The following LLGL2 variants were observed in gnomAD, a reference collection of about 807,000 sequenced individuals.
LLGL2 encodes the protein LLGL2, scribble cell polarity complex component.
In LLGL2, 81 loss-of-function variants were observed where a neutral mutation model predicts 123.2. That is an observed-to-expected ratio of 0.66 (90% CI 0.55 to 0.79). The LOEUF (loss-of-function observed/expected upper bound fraction) is 0.79. Ranked by LOEUF, LLGL2 falls within the 30% of genes least tolerant of loss-of-function variation. The pLI, the probability that LLGL2 is intolerant of heterozygous loss-of-function variation, is 0.00. For missense variants in LLGL2, 1,273 were observed against 1,414.6 expected, an observed-to-expected ratio of 0.90 and a Z score of 1.61; for synonymous variants, 577 against 594.1, an observed-to-expected ratio of 0.97 and a Z score of 0.42.
At position 75,564,446 on chromosome 17, in the gene LLGL2, C is replaced by A. The variant is rs1487618086; in HGVS notation, c.975C>A (p.Ala325=). Residue 325 remains alanine, a synonymous_variant, in exon 10 of 26, where the codon GCC becomes GCA. Transcript: ENST00000392550. The surrounding 1 kb of genome is among the most constrained non-coding windows in gnomAD (Gnocchi z 4.9). ...TGATCCACGATGGCCAGCAGACGGC[C>A]TTCGACTTCACCTCCCGTGTCATCG... The part of the protein sequence containing the change: ...ISVIHDGQQT[A]FDFTSRVIGF... 1 of 1,613,564 alleles carries A rather than the reference C, an allele frequency of 6.2e-7. No homozygotes were observed. The highest frequency in any genetic ancestry group is 2.2e-5 in the East Asian group (1 of 44,882).
chr17:75,565,588 G>A (rs1015867594), intron 10 of LLGL2, among the ~76,000 whole-genome samples: 5 of 152,194 alleles, frequency 3.3e-5, no homozygotes, highest in African/African-American at 9.7e-5. Context: ...CACACTCCCC[G>A]GGCTAACTGA....
Position 75,570,901 on chromosome 17 carries a change from TGGGGA to T in LLGL2, c.2026-42_2026-38del, listed in dbSNP as rs760536508. 25 of 1,549,086 alleles carry T rather than the reference TGGGGA, an allele frequency of 1.6e-5. No individual in the cohort carries two copies. The South Asian group carries it at 2.9e-4, about 18-fold the overall frequency. ...TCAGCACTGAGCGAAGCACTGTTCC[TGGGGA>T]GGGGAGTCCAGAGCTGACCCTTAGG... On this transcript the variant is annotated intron_variant, in intron 16 of 25. Coordinates refer to ENST00000392550, the MANE Select transcript of LLGL2 (RefSeq NM_001031803.2).
chr17:75,558,540 A>G lies in LLGL2; in HGVS notation c.284A>G (p.Asn95Ser), dbSNP rs1417776439. The part of the protein sequence containing the change: ...QCQLVTLLDD[N>S]SLHLWSLKVK... ...CAGCTGGTCACCCTGCTGGATGACAACAGCCTGCACCTTTGGAGCCTGAAG... is the reference window on the plus strand; with the variant it reads ...CAGCTGGTCACCCTGCTGGATGACAGCAGCCTGCACCTTTGGAGCCTGAAG... The change falls in exon 5 of 26, where the codon AAC (asparagine) becomes AGC (serine). Residue 95 changes from asparagine (N) to serine (S), a missense_variant. Physicochemically the swap from Asn to Ser is conservative, Grantham distance 46 (BLOSUM62 1). Transcript: ENST00000392550. This position sits in a 1 kb window ranked among gnomAD's most constrained non-coding sequence, Gnocchi z 4.0. 4.4e-6 allele frequency: 7 copies of G among 1,608,310 alleles called. No individual in the cohort carries two copies. The highest frequency in any genetic ancestry group is 2.7e-5 in the African/African-American group (2 of 74,896).
chr17:75,558,057 G>C lies in LLGL2; in HGVS notation c.174-98G>C. On this transcript the variant is annotated intron_variant, in intron 3 of 25. Coordinates refer to ENST00000392550, the MANE Select transcript of LLGL2 (RefSeq NM_001031803.2). The surrounding 1 kb of genome is among the most constrained non-coding windows in gnomAD (Gnocchi z 4.0). Reference sequence around the variant, plus strand: ...CCTCGGGGGAGGGCAGCCCCTCTCTGTGTTTGCATCATTGCACATGGGCCC... The same window carrying C: ...CCTCGGGGGAGGGCAGCCCCTCTCTCTGTTTGCATCATTGCACATGGGCCC... 1 of 1,155,232 alleles carries C rather than the reference G, an allele frequency of 8.7e-7. No individual in the cohort carries two copies. Among genetic ancestry groups the C allele is most frequent in the Non-Finnish European group, 1.3e-6 (1 of 765,530 alleles). The allele number at this position is 1,155,232 out of a possible 1,614,324, so 71.6% of individuals were successfully genotyped here.
rs1207842784 is a variant in LLGL2, at chr17:75,563,002, C to T, written c.531-14C>T. On this transcript the variant is annotated splice_polypyrimidine_tract_variant and intron_variant, in intron 6 of 25. Transcript: ENST00000392550. Reference sequence around the variant, plus strand: ...TGGACGGCATCGGAGGCTCACGGCACTCCCCTCGCCCAGGTTGCCAGAGGA... The same window carrying T: ...TGGACGGCATCGGAGGCTCACGGCATTCCCCTCGCCCAGGTTGCCAGAGGA... The T allele has an allele frequency of 1.9e-6, 3 of 1,610,098 alleles. No individual in the cohort carries two copies. The highest frequency in any genetic ancestry group is 2.5e-6 in the Non-Finnish European group (3 of 1,179,946).
At chr17:75,525,552 C>T (rs572073106), upstream of LLGL2, among the ~76,000 whole-genome samples, 2 of 150,928 alleles carry the variant, frequency 1.3e-5, no homozygotes, top group Admixed American at 6.6e-5. This position sits in a 1 kb window ranked among gnomAD's most constrained non-coding sequence, Gnocchi z 4.8. Context: ...TTCCCGGGGC[C>T]GCGGATTGGC....
At chr17:75,535,001 C>T (rs1421098287) in intron 1 of LLGL2, among the ~76,000 whole-genome samples, 3 of 152,220 alleles carry the variant, frequency 2.0e-5, no homozygotes, top group African/African-American at 7.2e-5. Context: ...GATCCCACTC[C>T]ATGGAACTGC....
chr17:75,537,347 T>C (rs1253115808), intron 1 of LLGL2, among the ~76,000 whole-genome samples: 1 of 151,908 alleles, frequency 6.6e-6, no homozygotes, highest in Non-Finnish European at 1.5e-5. Flanking sequence ...TCTGAACCCA[T>C]CTTGACCATT....
At chr17:75,574,578 A>G in intron 24 of LLGL2, 32 bp from the exon 25 acceptor site, 1 of 1,609,598 alleles carries the variant, frequency 6.2e-7, no homozygotes, top group African/African-American at 1.3e-5. Context: ...GAGGTCCCTG[A>G]GGCCATGACT....
chr17:75,564,406 G>T lies in LLGL2; in HGVS notation c.935G>T (p.Arg312Leu). 1 of 1,613,182 alleles carries T rather than the reference G, an allele frequency of 6.2e-7. No individual in the cohort carries two copies. Among genetic ancestry groups the T allele is most frequent in the South Asian group, 1.1e-5 (1 of 91,082 alleles). Residue 312 changes from arginine (R) to leucine (L), a missense_variant, in exon 10 of 26, where the codon CGC becomes CTC. By Grantham distance (102) the Arg-to-Leu change is moderately radical (BLOSUM62 -2). Coordinates refer to ENST00000392550, the MANE Select transcript of LLGL2 (RefSeq NM_001031803.2). This position sits in a 1 kb window ranked among gnomAD's most constrained non-coding sequence, Gnocchi z 4.9. Reference protein sequence around the residue: ...GGMPRASYGDRHCISVIHDGQ... With the variant: ...GGMPRASYGDLHCISVIHDGQ... Reference sequence around the variant, plus strand: ...ATGCCACGGGCCAGCTACGGGGACCGCCACTGCATCTCAGTGATCCACGAT... The same window carrying T: ...ATGCCACGGGCCAGCTACGGGGACCTCCACTGCATCTCAGTGATCCACGAT...
In LLGL2 at chr17:75,563,111, G is replaced by C; in HGVS notation, c.626G>C (p.Ser209Thr). Residue 209 changes from serine to threonine, a missense_variant, in exon 7 of 26, where the codon AGC becomes ACC. By Grantham distance (58) the Ser-to-Thr change is moderately conservative. Transcript: ENST00000392550. ...RDPNQILIGY[S>T]RGLVVIWDLQ... Reference sequence around the variant, plus strand: ...CCCAACCAGATCCTGATCGGCTACAGCCGAGGCCTCGTTGTCATCTGGGAC... The same window carrying C: ...CCCAACCAGATCCTGATCGGCTACACCCGAGGCCTCGTTGTCATCTGGGAC... 6.2e-7 allele frequency: 1 copy of C among 1,613,186 alleles called. No homozygotes were observed. Among genetic ancestry groups the C allele is most frequent in the Non-Finnish European group, 8.5e-7 (1 of 1,180,030 alleles).
In LLGL2 at chr17:75,568,970, G is replaced by A. The variant is rs370861025; in HGVS notation, c.1323-8G>A. 103 of 1,609,214 alleles carry A rather than the reference G, an allele frequency of 6.4e-5. No individual in the cohort carries two copies. Among genetic ancestry groups the A allele is most frequent in the Middle Eastern group, 5.0e-4 (3 of 6,058 alleles). On this transcript the variant is annotated splice_polypyrimidine_tract_variant and splice_region_variant and intron_variant, in intron 12 of 25. Transcript: ENST00000392550. ...CTCTCACGCCTGGCAGGTGGGTTCT[G>A]CCCACAGGCACGAGGACGGCACGGT...
chr17:75,530,863 T>C (rs1024936481), intron 1 of LLGL2, among the ~76,000 whole-genome samples: 4 of 152,160 alleles, frequency 2.6e-5, no homozygotes, highest in African/African-American at 7.2e-5. Flanking sequence ...GAGGACCTTT[T>C]TCAGGAATTG....
rs185241646 is a variant in LLGL2 at position 75,544,056 on chromosome 17, T to G, written c.75+555T>G. Among the ~76,000 whole-genome samples the G allele has an allele frequency of 4.9e-3, 742 of 152,202 alleles. 6 individuals are homozygous for G. Among genetic ancestry groups the G allele is most frequent in the Middle Eastern group, 0.014 (4 of 294 alleles). On this transcript the variant is annotated intron_variant, in intron 2 of 25. Transcript: ENST00000392550. This position sits in a 1 kb window ranked among gnomAD's most constrained non-coding sequence, Gnocchi z 4.2. ...CCAGGAGAATGAGCCGGAGTTGGCCTCGGACTACCCCAATCCCAAACCTGT... is the reference window on the plus strand; with the variant it reads ...CCAGGAGAATGAGCCGGAGTTGGCCGCGGACTACCCCAATCCCAAACCTGT...
chr17:75,574,236 G>A lies in LLGL2; in HGVS notation c.2929G>A (p.Glu977Lys). ...AGAGAAGCAGCCCGGCCTGGTGATG[G>A]AGCGCGCTCTGCTCAGTGATGAGAG... ...GEEKQPGLVM[E>K]RALLSDERVL... The change falls in exon 23 of 26, where the codon GAG becomes AAG. Residue 977 changes from glutamate to lysine, a missense_variant. Coordinates refer to ENST00000392550, the MANE Select transcript of LLGL2 (RefSeq NM_001031803.2). 1.3e-6 allele frequency: 2 copies of A among 1,541,638 alleles called. No homozygotes were observed. The highest frequency in any genetic ancestry group is 1.2e-5 in the South Asian group (1 of 83,094).
chr17:75,568,523 G>T lies in LLGL2; in HGVS notation c.1084G>T (p.Val362Leu). 1 of 1,613,574 alleles carries T rather than the reference G, an allele frequency of 6.2e-7. No homozygotes were observed. The highest frequency in any genetic ancestry group is 1.6e-4 in the Middle Eastern group (1 of 6,062). The change falls in exon 11 of 26, where the codon GTG becomes TTG. Residue 362 changes from valine to leucine, a missense_variant. Val to Leu is a conservative substitution (Grantham distance 32). Transcript: ENST00000392550. ...ALVVLAEEEL[V>L]VIDLQTAGWP... is the part of the protein sequence containing the mutation. ...GGTGGTGCTGGCTGAGGAGGAGCTG[G>T]TGGTGATTGACCTGCAGACAGCAGG...
intron 17 of LLGL2, 29 bp downstream of exon 17, chr17:75,571,129 A>AG: frequency 1.3e-6 from 1 of 776,834 alleles, no homozygotes; most frequent in Non-Finnish European, 2.1e-6. Context: ...GTTGGGGGGC[A>AG]GGGGGTAGTG....
At chr17:75,529,817 C>A (rs1180186226) in intron 1 of LLGL2, among the ~76,000 whole-genome samples, 1 of 151,752 alleles carries the variant, frequency 6.6e-6, no homozygotes, top group Non-Finnish European at 1.5e-5. Context: ...GCCGAGATCG[C>A]GCCACTGCAC....
rs894778084 is a variant in LLGL2, at chr17:75,549,158, A to G, written c.75+5657A>G. ...TTCACCAGTGAAGTAACTGTTTGCT[A>G]TATATGGTGGGCCGTCAAGCCTATT... is the stretch of plus-strand genomic sequence containing the variant. On this transcript the variant is annotated intron_variant, in intron 2 of 25. Transcript: ENST00000392550. The surrounding 1 kb of genome is among the most constrained non-coding windows in gnomAD (Gnocchi z 4.0). Among the ~76,000 whole-genome samples, 1 of 151,912 alleles carries G rather than the reference A, an allele frequency of 6.6e-6. No homozygotes were observed. Among genetic ancestry groups the G allele is most frequent in the African/African-American group, 2.4e-5 (1 of 41,350 alleles).
Sources: allele counts gnomAD v4.1 joint callset (sites outside exome capture counted in the v4.1 genomes callset), GRCh38; gene constraint gnomAD v4.1.1; non-coding constraint Gnocchi (gnomAD v3.1); transcripts MANE v1.5; gene names NCBI Gene and HGNC (gene_info 2026-07-23, HGNC 2026-07-21).